GNA14: variants seen among roughly 807,000 people sequenced by gnomAD.
GNA14 encodes guanine nucleotide-binding protein subunit alpha-14.
GNA14 carries 50 observed loss-of-function variants against 42.0 expected under a neutral mutation model. The observed-to-expected ratio is 1.19, with a 90% confidence interval of 0.95 to 1.51. The LOEUF (loss-of-function observed/expected upper bound fraction) is 1.51. GNA14 is among the 40% of genes most tolerant of loss of function. GNA14 has a pLI of 0.00. For synonymous variants in GNA14, 173 were observed against 163.1 expected (o/e 1.06, Z -0.46); for missense variants, 473 against 446.2 (o/e 1.06, Z -0.54).
Position 77,424,071 on chromosome 9 carries a change from A to C in GNA14, c.976T>G (p.Cys326Gly), listed in dbSNP as rs138665816. 11 of 1,612,426 alleles carry C rather than the reference A, an allele frequency of 6.8e-6. No homozygotes were observed. The African/African-American group carries it at 1.2e-4, about 18-fold the overall frequency. The part of the protein sequence containing the change: ...KEKVIYSHFT[C>G]ATDTDNIRFV... ...CGAATATTGTCTGTATCTGTAGCACATGTGAAGTGAGAGTAGATGACTTTC... is the reference window on the plus strand; with the variant it reads ...CGAATATTGTCTGTATCTGTAGCACCTGTGAAGTGAGAGTAGATGACTTTC... Residue 326 changes from cysteine (C) to glycine (G), a missense_variant, in exon 7 of 7, where the codon TGT becomes GGT. Cys to Gly is a radical substitution (Grantham distance 159). Coordinates refer to ENST00000341700, the MANE Select transcript of GNA14 (RefSeq NM_004297.4).
chr9:77,440,876 C>A (rs182544143), intron 2 of GNA14, among the ~76,000 whole-genome samples: 1 of 152,010 alleles, frequency 6.6e-6, no homozygotes, highest in Non-Finnish European at 1.5e-5. Flanking sequence ...CCACCATGCC[C>A]GGCTAATTTT....
intron 1 of GNA14, among the ~76,000 whole-genome samples, chr9:77,635,994 C>T (rs960013904): frequency 7.9e-5 from 12 of 152,168 alleles, no homozygotes; most frequent in African/African-American, 2.9e-4. Context: ...TTTGATGCCA[C>T]AGCAATGTTA....
intron 1 of GNA14, among the ~76,000 whole-genome samples, chr9:77,555,856 G>A (rs1428806802): frequency 2.6e-5 from 4 of 152,196 alleles, no homozygotes; most frequent in Non-Finnish European, 5.9e-5. Flanking sequence ...CAGCATAGAT[G>A]GATCTTAGAA....
intron 1 of GNA14, among the ~76,000 whole-genome samples, chr9:77,589,971 C>T (rs1002532368): frequency 1.3e-5 from 2 of 152,092 alleles, no homozygotes; most frequent in African/African-American, 4.8e-5. Flanking sequence ...GGCTGGAGTG[C>T]AGTGGCGCAA....
chr9:77,503,923 C>T (rs1236924714), intron 2 of GNA14, among the ~76,000 whole-genome samples: 2 of 152,132 alleles, frequency 1.3e-5, no homozygotes, highest in African/African-American at 4.8e-5. Flanking sequence ...CTCAAGTGAT[C>T]CACCTGCCTC....
intron 2 of GNA14, among the ~76,000 whole-genome samples, chr9:77,497,533 C>T (rs960407184): frequency 6.6e-6 from 1 of 152,170 alleles, no homozygotes; most frequent in Non-Finnish European, 1.5e-5. Context: ...TCCTTGGCAC[C>T]TTGAGCTGAC....
chr9:77,485,653 T>G (rs1836646994), intron 2 of GNA14, among the ~76,000 whole-genome samples: 1 of 152,148 alleles, frequency 6.6e-6, no homozygotes, highest in Non-Finnish European at 1.5e-5. Flanking sequence ...GAAGTCAAAA[T>G]TACTCCTTGA....
At chr9:77,560,074 A>G (rs1822852918) in intron 1 of GNA14, among the ~76,000 whole-genome samples, 1 of 152,116 alleles carries the variant, frequency 6.6e-6, no homozygotes, top group South Asian at 2.1e-4. Flanking sequence ...AGAAATTTCC[A>G]TGGTTATTCA....
intron 1 of GNA14, among the ~76,000 whole-genome samples, chr9:77,538,705 C>T (rs948316267): frequency 6.6e-6 from 1 of 151,966 alleles, no homozygotes; most frequent in Non-Finnish European, 1.5e-5. Context: ...AATAGCATTG[C>T]TTTCTTGATT....
intron 2 of GNA14, among the ~76,000 whole-genome samples, chr9:77,500,158 G>T (rs1836942067): frequency 6.6e-6 from 1 of 152,028 alleles, no homozygotes; most frequent in Non-Finnish European, 1.5e-5. Context: ...AAGTAGCTGG[G>T]ATTACAGGCA....
At chr9:77,587,330 T>C (rs1296337251) in intron 1 of GNA14, among the ~76,000 whole-genome samples, 1 of 152,182 alleles carries the variant, frequency 6.6e-6, no homozygotes, top group Non-Finnish European at 1.5e-5. Context: ...AAGCAGGAAC[T>C]CATATTAGTA....
At chr9:77,484,129 G>A (rs1482491355) in intron 2 of GNA14, among the ~76,000 whole-genome samples, 3 of 152,112 alleles carry the variant, frequency 2.0e-5, no homozygotes, top group Admixed American at 6.5e-5. Flanking sequence ...ATAACAACTG[G>A]AACACAGTAA....
intron 2 of GNA14, among the ~76,000 whole-genome samples, chr9:77,452,139 C>A (rs983936351): frequency 6.6e-6 from 1 of 152,186 alleles, no homozygotes; most frequent in Non-Finnish European, 1.5e-5. Flanking sequence ...TAGAAATACA[C>A]TGGTCCTGTC....
intron 1 of GNA14, among the ~76,000 whole-genome samples, chr9:77,630,930 C>T (rs1824087443): frequency 6.6e-6 from 1 of 152,122 alleles, no homozygotes; most frequent in African/African-American, 2.4e-5. Context: ...CTATACCCTT[C>T]CCCCAACATT....
At chr9:77,580,272 A>G in intron 1 of GNA14, 1 of 302,432 alleles carries the variant, frequency 3.3e-6, no homozygotes, top group Non-Finnish European at 6.9e-6. Flanking sequence ...TTGGAAGCAA[A>G]CTGAATCCAG....
intron 1 of GNA14, among the ~76,000 whole-genome samples, chr9:77,552,467 G>C (rs1837797765): frequency 6.6e-6 from 1 of 152,086 alleles, no homozygotes. Context: ...AACTTTTCTT[G>C]GTCCTACATT....
chr9:77,452,558 G>GTAGTATC (rs1835921408), intron 2 of GNA14, among the ~76,000 whole-genome samples: 3 of 20,140 alleles, frequency 1.5e-4, no homozygotes, highest in Non-Finnish European at 1.3e-4. Context: ...AAGTGTGTGT[G>GTAGTATC]TGTGTGTGTG....
At chr9:77,450,564 C>A (rs1835887285) in intron 2 of GNA14, among the ~76,000 whole-genome samples, 2 of 151,890 alleles carry the variant, frequency 1.3e-5, no homozygotes, top group African/African-American at 4.8e-5. Context: ...GTGTACAGAG[C>A]AGCAAAAAAA....
At chr9:77,601,466 T>C (rs1044684769) in intron 1 of GNA14, among the ~76,000 whole-genome samples, 1 of 152,218 alleles carries the variant, frequency 6.6e-6, no homozygotes, top group African/African-American at 2.4e-5. Flanking sequence ...TGACCTTATA[T>C]GTTTTAGGAA....
Sources: allele counts gnomAD v4.1 joint callset (sites outside exome capture counted in the v4.1 genomes callset), GRCh38; gene constraint gnomAD v4.1.1; transcripts MANE v1.5; gene names NCBI Gene and HGNC (gene_info 2026-07-23, HGNC 2026-07-21).